The following AUTS2 variants were observed in gnomAD, a reference collection of about 807,000 sequenced individuals.
The protein encoded by AUTS2 is activator of transcription and developmental regulator AUTS2.
In AUTS2, 17 loss-of-function variants were observed where a neutral mutation model predicts 112.4. The ratio of observed to expected loss-of-function variants is 0.15; its 90% CI spans 0.10 to 0.23. The LOEUF (loss-of-function observed/expected upper bound fraction) is 0.23. AUTS2 is among the 10% of genes least tolerant of loss of function. The probability of loss-of-function intolerance (pLI) is 1.00; values close to 1 mark genes in which losing one functional copy is unlikely to be tolerated. For missense variants in AUTS2, 1,510 were observed against 1,701.6 expected, an observed-to-expected ratio of 0.89 and a Z score of 1.98; for synonymous variants, 751 against 702.7, an observed-to-expected ratio of 1.07 and a Z score of -1.09.
At chr7:69,721,046 C>T (rs1798904084) in intron 1 of AUTS2, among the ~76,000 whole-genome samples, 1 of 152,104 alleles carries the variant, frequency 6.6e-6, no homozygotes, top group Admixed American at 6.5e-5. Context: ...CAAGAGAGCA[C>T]CATCCAATTG....
chr7:69,860,048 T>TTG (rs1554392646), intron 1 of AUTS2, among the ~76,000 whole-genome samples: 1 of 152,050 alleles, frequency 6.6e-6, no homozygotes, highest in Non-Finnish European at 1.5e-5. Context: ...GGTGTTTTTT[T>TTG]TTGTTGTTGT....
intron 1 of AUTS2, among the ~76,000 whole-genome samples, chr7:69,878,548 C>T (rs937475343): frequency 1.3e-5 from 2 of 152,146 alleles, no homozygotes; most frequent in Non-Finnish European, 2.9e-5. Flanking sequence ...CAGGTACTGC[C>T]TAAGCAGCCC....
intron 4 of AUTS2, among the ~76,000 whole-genome samples, chr7:70,281,480 C>T (rs772004234): frequency 2.1e-4 from 32 of 152,176 alleles, no homozygotes; most frequent in Non-Finnish European, 3.7e-4. Flanking sequence ...AAGTTTTCTT[C>T]TTTGTAGTTA....
At chr7:70,627,226 C>T (rs1025031572) in intron 5 of AUTS2, among the ~76,000 whole-genome samples, 9 of 152,130 alleles carry the variant, frequency 5.9e-5, no homozygotes, top group Admixed American at 3.3e-4. Context: ...GAGATGATAG[C>T]GTATTGTGAT....
At chr7:70,479,121 T>C (rs2116126933) in intron 5 of AUTS2, among the ~76,000 whole-genome samples, 1 of 152,314 alleles carries the variant, frequency 6.6e-6, no homozygotes, top group Admixed American at 6.5e-5. Flanking sequence ...GAACCATTTT[T>C]ATGGTGTATC....
intron 2 of AUTS2, among the ~76,000 whole-genome samples, chr7:69,967,799 G>A (rs1263551889): frequency 6.6e-6 from 1 of 152,182 alleles, no homozygotes; most frequent in Non-Finnish European, 1.5e-5. Context: ...CAAGTATGCA[G>A]AGAAGGTAAG....
chr7:70,170,651 C>T (rs1401856006), intron 4 of AUTS2, among the ~76,000 whole-genome samples: 2 of 141,182 alleles, frequency 1.4e-5, no homozygotes, highest in African/African-American at 5.4e-5. Context: ...GGCTGGAGTG[C>T]GGTGGTGCGA....
intron 17 of AUTS2, among the ~76,000 whole-genome samples, chr7:70,786,716 GTCTT>G (rs1563199587): frequency 6.6e-6 from 1 of 152,150 alleles, no homozygotes; most frequent in Non-Finnish European, 1.5e-5. Flanking sequence ...TCACAGGTCG[GTCTT>G]TATTTAAAAC....
intron 2 of AUTS2, among the ~76,000 whole-genome samples, chr7:70,025,525 C>A (rs1349889372): frequency 6.6e-6 from 1 of 150,760 alleles, no homozygotes; most frequent in Non-Finnish European, 1.5e-5. Context: ...GATCTTGGCT[C>A]ACTGCAACCT....
At chr7:69,661,934 C>T (rs528853922) in intron 1 of AUTS2, among the ~76,000 whole-genome samples, 1 of 152,294 alleles carries the variant, frequency 6.6e-6, no homozygotes, top group Non-Finnish European at 1.5e-5. Context: ...GAAAATACCT[C>T]ATGAATGTGA....
intron 4 of AUTS2, among the ~76,000 whole-genome samples, chr7:70,170,394 C>T (rs1397687662): frequency 3.3e-5 from 5 of 151,900 alleles, no homozygotes; most frequent in East Asian, 1.9e-4. Context: ...TCAAGCAATC[C>T]GCCTGCCTTG....
At chr7:70,607,185 T>G (rs1803827127) in intron 5 of AUTS2, among the ~76,000 whole-genome samples, 1 of 152,146 alleles carries the variant, frequency 6.6e-6, no homozygotes, top group Admixed American at 6.5e-5. Flanking sequence ...TGGGAGTGAT[T>G]GGATTACAGT....
chr7:70,312,947 A>G (rs907724403), intron 4 of AUTS2, among the ~76,000 whole-genome samples: 2 of 152,240 alleles, frequency 1.3e-5, no homozygotes, highest in East Asian at 1.9e-4. Flanking sequence ...AAAACTGCCA[A>G]AGAGCATCAG....
At chr7:69,791,538 A>G (rs1273238850) in intron 1 of AUTS2, among the ~76,000 whole-genome samples, 1 of 152,214 alleles carries the variant, frequency 6.6e-6, no homozygotes, top group Non-Finnish European at 1.5e-5. Flanking sequence ...CTTCTAATTT[A>G]TGGCTAAAAT....
intron 4 of AUTS2, among the ~76,000 whole-genome samples, chr7:70,322,842 G>A (rs1057342327): frequency 2.6e-5 from 4 of 152,178 alleles, no homozygotes; most frequent in Non-Finnish European, 5.9e-5. Context: ...ACAGGGGCAG[G>A]TAATGCTGAA....
At chr7:69,883,623 A>G (rs997950403) in intron 1 of AUTS2, among the ~76,000 whole-genome samples, 5 of 152,178 alleles carry the variant, frequency 3.3e-5, no homozygotes, top group African/African-American at 1.2e-4. Flanking sequence ...TAGAAACTGG[A>G]CATGGGAAAA....
At chr7:69,634,033 G>T (rs1285520985) in intron 1 of AUTS2, among the ~76,000 whole-genome samples, 2 of 152,016 alleles carry the variant, frequency 1.3e-5, no homozygotes, top group African/African-American at 2.4e-5. Context: ...AAGTCCAGGA[G>T]TTTTTCCCCT....
intron 2 of AUTS2, among the ~76,000 whole-genome samples, chr7:70,095,777 C>T (rs923014729): frequency 5.9e-5 from 9 of 152,184 alleles, no homozygotes; most frequent in Middle Eastern, 3.4e-3. Flanking sequence ...TAAAGAAAAG[C>T]GTCTTGCCTA....
chr7:70,703,780 G>A (rs1585537941), intron 6 of AUTS2, among the ~76,000 whole-genome samples: 1 of 152,312 alleles, frequency 6.6e-6, no homozygotes, highest in East Asian at 1.9e-4. Context: ...ACATAAGGGA[G>A]AGTTAGAACA....
Sources: gnomAD v4.1 joint callset for allele counts (sites outside exome capture counted in the v4.1 genomes callset) on GRCh38, gnomAD v4.1.1 for gene constraint, MANE v1.5 for transcripts, NCBI Gene and HGNC (gene_info 2026-07-23, HGNC 2026-07-21) for gene names.